Variants in BEGAIN observed in about 807,000 individuals in gnomAD.
BEGAIN encodes brain-enriched guanylate kinase-associated protein.
A neutral mutation model predicts 35.8 loss-of-function variants in BEGAIN; 19 were observed. That is an observed-to-expected ratio of 0.53 (90% CI 0.37 to 0.78). BEGAIN has a LOEUF of 0.78. Ranked by LOEUF, BEGAIN falls within the 30% of genes least tolerant of loss-of-function variation. The pLI, the probability that BEGAIN is intolerant of heterozygous loss-of-function variation, is 0.00. For missense variants in BEGAIN, 795 were observed against 853.6 expected (o/e 0.93, Z 0.85); for synonymous variants, 462 against 388.6 (o/e 1.19, Z -2.22).
intron 1 of BEGAIN, chr14:100,569,575 AGGAG>A (rs2035001234): frequency 6.5e-6 from 1 of 154,254 alleles, no homozygotes; most frequent in East Asian, 1.9e-4. Context: ...GCTCCCGGGC[AGGAG>A]CCCTGTGTTC....
In BEGAIN at chr14:100,545,099, C is replaced by T. The variant is rs768599874; in HGVS notation, c.234-33G>A. On this transcript the variant is annotated intron_variant, in intron 3 of 6. Transcript: ENST00000554140. The stretch of plus-strand genomic sequence containing the variant: ...AGGAGGCAAGGGGGTCACTGCCATG[C>T]AAGGCCTGTCCCTCCCACGACCCTT... 6 of 1,612,288 alleles carry T rather than the reference C, an allele frequency of 3.7e-6. No individual in the cohort carries two copies. The South Asian group carries it at 5.5e-5, about 15-fold the overall frequency.
intron 1 of BEGAIN, among the ~76,000 whole-genome samples, chr14:100,580,660 C>G (rs1200375012): frequency 6.6e-6 from 1 of 152,178 alleles, no homozygotes; most frequent in African/African-American, 2.4e-5. Context: ...GCGGCAGCCC[C>G]TTATAGCCCT....
At position 100,568,504 on chromosome 14, in the gene BEGAIN, C is replaced by CA; in HGVS notation, c.43-566dup. ...TCCTCAATCAGGGACCCGCTGCCCT[C>CA]AGATTCTGGGGTTTTGGGCCTGGCT... On this transcript the variant is annotated intron_variant, in intron 1 of 6. Transcript: ENST00000554140. This position sits in a 1 kb window ranked among gnomAD's most constrained non-coding sequence, Gnocchi z 7.5. The CA allele has an allele frequency of 7.8e-7, 1 of 1,287,416 alleles. No homozygotes were observed. The highest frequency in any genetic ancestry group is 1.0e-6 in the Non-Finnish European group (1 of 987,764). The allele number at this position is 1,287,416 out of a possible 1,614,324, so 79.7% of individuals were successfully genotyped here.
intron 2 of BEGAIN, among the ~76,000 whole-genome samples, chr14:100,555,991 T>C (rs2033684325): frequency 6.6e-6 from 1 of 152,088 alleles, no homozygotes; most frequent in Non-Finnish European, 1.5e-5. Flanking sequence ...TGTGTGTGTG[T>C]GTACGTGGTG....
intron 5 of BEGAIN, among the ~76,000 whole-genome samples, chr14:100,541,348 C>G (rs1156928575): frequency 2.0e-5 from 3 of 152,258 alleles, no homozygotes; most frequent in African/African-American, 7.2e-5. Context: ...TGCCCCATGG[C>G]TGCTCCTGGC....
chr14:100,578,227 G>A lies in BEGAIN; in HGVS notation c.42+9022C>T, dbSNP rs118092258. 2.8e-3 allele frequency among the ~76,000 whole-genome samples: 420 copies of A among 152,374 alleles called. 8 individuals carry two copies. In the East Asian group the frequency reaches 0.033, roughly 12 times the overall value. On this transcript the variant is annotated intron_variant, in intron 1 of 6. Transcript: ENST00000554140. ...CGTGTCCTGGGCTCTGCCTGGGGAG[G>A]AGCCCTCCCTGAGTGAGCTCCCATG... is the stretch of plus-strand genomic sequence containing the variant.
chr14:100,546,638 C>T lies in BEGAIN; in HGVS notation c.96G>A (p.Glu32=). ...KLSALQEQKG[E]LRKRLSYTTH... ...TGGTGTAGGACAGCCGCTTGCGCAG[C>T]TCGCCCTTCTGCTCCTGCAGCGCGC... Residue 32 remains glutamate (E), a synonymous_variant, in exon 3 of 7, where the codon GAG becomes GAA. Transcript: ENST00000554140. 1 of 1,575,588 alleles carries T rather than the reference C, an allele frequency of 6.3e-7. No individual in the cohort carries two copies. The highest frequency in any genetic ancestry group is 1.1e-5 in the South Asian group (1 of 87,356).
In BEGAIN at chr14:100,568,773, TG is replaced by T; in HGVS notation, c.43-835del. 6 of 789,092 alleles carry T rather than the reference TG, an allele frequency of 7.6e-6. No individual in the cohort carries two copies. Among genetic ancestry groups the T allele is most frequent in the Non-Finnish European group, 7.7e-6 (5 of 649,788 alleles). 48.9% of individuals were successfully genotyped at this position (789,092 alleles called of 1,614,324 possible). Reference sequence around the variant, plus strand: ...CGGGATCGCACTTCCTGCGTGGAGCTGGGGGCGCCGGGCGGGCTCTCTATCA... The same window carrying T: ...CGGGATCGCACTTCCTGCGTGGAGCTGGGGCGCCGGGCGGGCTCTCTATCA... On this transcript the variant is annotated intron_variant, in intron 1 of 6. Coordinates refer to ENST00000554140, the MANE Select transcript of BEGAIN (RefSeq NM_001385089.1). This position sits in a 1 kb window ranked among gnomAD's most constrained non-coding sequence, Gnocchi z 7.5.
intron 1 of BEGAIN, among the ~76,000 whole-genome samples, chr14:100,582,487 G>A (rs954899493): frequency 6.6e-6 from 1 of 152,192 alleles, no homozygotes; most frequent in Admixed American, 6.5e-5. Context: ...AGGACACTGA[G>A]GCTCTGGGAA....
chr14:100,546,686 G>A (rs1222840415), intron 2 of BEGAIN, 24 bp from the exon 3 acceptor site: 2 of 1,540,882 alleles, frequency 1.3e-6, no homozygotes, highest in Non-Finnish European at 1.7e-6. Flanking sequence ...GCGGCGGCGG[G>A]CCGGGCCGCG....
rs979622598 is a variant in BEGAIN at position 100,567,298 on chromosome 14, G to A, written c.71+613C>T. Among the ~76,000 whole-genome samples, 1 of 152,146 alleles carries A rather than the reference G, an allele frequency of 6.6e-6. No homozygotes were observed. Among genetic ancestry groups the A allele is most frequent in the Non-Finnish European group, 1.5e-5 (1 of 68,012 alleles). ...AGGTGGTCCCGTGAAGTCTACCAAG[G>A]CTTAAAGTTTGGCACCGGGAGGGAG... On this transcript the variant is annotated intron_variant, in intron 2 of 6. Transcript: ENST00000554140. The surrounding 1 kb of genome is among the most constrained non-coding windows in gnomAD (Gnocchi z 5.1).
intron 2 of BEGAIN, among the ~76,000 whole-genome samples, chr14:100,553,840 C>T (rs1013563547): frequency 6.6e-6 from 1 of 152,194 alleles, no homozygotes; most frequent in African/African-American, 2.4e-5. Flanking sequence ...AGCAAGCCCA[C>T]TCCACAAGAC....
chr14:100,585,280 TCCATCCCTC>T (rs2035414099), intron 1 of BEGAIN, among the ~76,000 whole-genome samples: 1 of 62,130 alleles, frequency 1.6e-5, no homozygotes, highest in Non-Finnish European at 3.0e-5. Flanking sequence ...ATCCCATCCA[TCCATCCCTC>T]CCATCCCTCC....
chr14:100,541,634 G>A (rs2031629809), intron 5 of BEGAIN, among the ~76,000 whole-genome samples: 1 of 152,214 alleles, frequency 6.6e-6, no homozygotes, highest in African/African-American at 2.4e-5. Flanking sequence ...GCTGCCCCTG[G>A]CACCAGAGGG....
In BEGAIN at chr14:100,558,114, A is replaced by G. The variant is rs1415723446; in HGVS notation, c.71+9797T>C. ...CTTCCTGGTCATTCTCTGGCAGGCA[A>G]ACTCGTGGTTGCTCTTCCCATATTG... On this transcript the variant is annotated intron_variant, in intron 2 of 6. Coordinates refer to ENST00000554140, the MANE Select transcript of BEGAIN (RefSeq NM_001385089.1). The surrounding 1 kb of genome is among the most constrained non-coding windows in gnomAD (Gnocchi z 4.6). 6.6e-6 allele frequency among the ~76,000 whole-genome samples: 1 copy of G among 152,098 alleles called. No individual in the cohort carries two copies. The highest frequency in any genetic ancestry group is 1.5e-5 in the Non-Finnish European group (1 of 68,014).
chr14:100,545,333 G>A, intron 3 of BEGAIN: 1 of 1,325,752 alleles, frequency 7.5e-7, no homozygotes, highest in Non-Finnish European at 9.7e-7. Context: ...GGGAAGGGAA[G>A]GCTTGTTATT....
chr14:100,579,754 C>CA (rs746947308), intron 1 of BEGAIN, among the ~76,000 whole-genome samples: 1 of 152,226 alleles, frequency 6.6e-6, no homozygotes, highest in Non-Finnish European at 1.5e-5. Context: ...ACCATGGCCT[C>CA]AGCCACCCAA....
intron 1 of BEGAIN, chr14:100,577,972 G>A (rs1050460885): frequency 3.1e-4 from 123 of 399,124 alleles, no homozygotes; most frequent in Non-Finnish European, 6.6e-5. Flanking sequence ...TCAGTCCAAG[G>A]TCCGGGCTCC....
chr14:100,565,893 C>T (rs1167909206), intron 2 of BEGAIN, among the ~76,000 whole-genome samples: 1 of 152,232 alleles, frequency 6.6e-6, no homozygotes, highest in Non-Finnish European at 1.5e-5. Context: ...GTCTGTGGGA[C>T]CCCAAACCCT....
Sources: gnomAD v4.1 joint callset for allele counts (sites outside exome capture counted in the v4.1 genomes callset) on GRCh38, gnomAD v4.1.1 for gene constraint, Gnocchi (gnomAD v3.1) non-coding constraint, MANE v1.5 for transcripts, NCBI Gene and HGNC (gene_info 2026-07-23, HGNC 2026-07-21) for gene names.